UXS1: variants seen among roughly 807,000 people sequenced by gnomAD.
UXS1 encodes UDP-glucuronic acid decarboxylase 1.
UXS1 carries 33 observed loss-of-function variants against 62.6 expected under a neutral mutation model. The ratio of observed to expected loss-of-function variants is 0.53; its 90% confidence interval spans 0.40 to 0.70. The LOEUF is 0.70. Among genes scored for constraint, UXS1 ranks in the 30% least tolerant of loss-of-function variants. UXS1 has a pLI of 0.00. For missense variants in UXS1, 434 were observed against 556.3 expected (o/e 0.78, Z 2.21); for synonymous variants, 213 against 206.8 (o/e 1.03, Z -0.26).
intron 11 of UXS1, 169 bp from the exon 12 acceptor site, chr2:106,101,287 C>T (rs10202208): frequency 0.75 from 495,074 of 658,768 alleles, 187,680 homozygotes; most frequent in Middle Eastern, 0.79. Context: ...ATGGTGTTTA[C>T]AATGCGAAAG....
intron 9 of UXS1, among the ~76,000 whole-genome samples, chr2:106,120,051 C>T (rs1679394569): frequency 6.6e-6 from 1 of 152,174 alleles, no homozygotes; most frequent in Non-Finnish European, 1.5e-5. Context: ...GGAAAGGCAC[C>T]ATTTTCCTCC....
At position 106,112,555 on chromosome 2, in the gene UXS1, C is replaced by A. The variant is rs1037758623; in HGVS notation, c.879+91G>T. ...ACATGGCAGCTTCAGAAGTGTCACT[C>A]CCTGAACCAAGATGCACTTATCCCT... On this transcript the variant is annotated intron_variant, in intron 10 of 14. Coordinates refer to ENST00000283148, the MANE Select transcript of UXS1 (RefSeq NM_001253875.2). 6 of 1,530,808 alleles carry A rather than the reference C, an allele frequency of 3.9e-6. No individual in the cohort carries two copies. The South Asian group carries it at 6.2e-5, about 16-fold the overall frequency. The allele number at this position is 1,530,808 out of a possible 1,614,324, so 94.8% of individuals were successfully genotyped here.
intron 1 of UXS1, among the ~76,000 whole-genome samples, chr2:106,188,874 A>G (rs1222675988): frequency 1.3e-5 from 2 of 152,258 alleles, no homozygotes; most frequent in African/African-American, 2.4e-5. Flanking sequence ...TTTTTTAAAA[A>G]TCCAGAGAAT....
At chr2:106,138,909 G>A (rs1680875504) in intron 6 of UXS1, 2 of 982,208 alleles carry the variant, frequency 2.0e-6, no homozygotes, top group Non-Finnish European at 2.4e-6. Context: ...AGAGTCTGTT[G>A]GTTAAATAAT....
chr2:106,103,283 G>T (rs1677747298), intron 11 of UXS1, among the ~76,000 whole-genome samples: 1 of 152,242 alleles, frequency 6.6e-6, no homozygotes, highest in South Asian at 2.1e-4. Context: ...GCAGAAAGAA[G>T]AATGGGTCCT....
intron 1 of UXS1, among the ~76,000 whole-genome samples, chr2:106,173,089 C>T (rs1215617571): frequency 1.3e-5 from 2 of 152,154 alleles, no homozygotes; most frequent in Non-Finnish European, 2.9e-5. Flanking sequence ...CTGTTTATTG[C>T]CTGTTTGTGC....
chr2:106,143,224 G>T (rs182454008), intron 6 of UXS1, among the ~76,000 whole-genome samples: 9 of 151,014 alleles, frequency 6.0e-5, no homozygotes, highest in Admixed American at 1.3e-4. Flanking sequence ...CTGGCTAACA[G>T]GGTGAAACCC....
chr2:106,096,698 C>T lies in UXS1; in HGVS notation c.1146+20G>A, dbSNP rs1234693542. Reference sequence around the variant, plus strand: ...CGGGAGGCCCCTCCCCACAAGGCAGCATTAACTCCCTGCACTTACCACGGG... The same window carrying T: ...CGGGAGGCCCCTCCCCACAAGGCAGTATTAACTCCCTGCACTTACCACGGG... On this transcript the variant is annotated intron_variant, in intron 14 of 14. Coordinates refer to ENST00000283148, the MANE Select transcript of UXS1 (RefSeq NM_001253875.2). 1 of 1,543,178 alleles carries T rather than the reference C, an allele frequency of 6.5e-7. No homozygotes were observed. Among genetic ancestry groups the T allele is most frequent in the Admixed American group, 2.0e-5 (1 of 51,038 alleles).
chr2:106,094,527 C>T (rs1490501232), intron 14 of UXS1, among the ~76,000 whole-genome samples: 1 of 152,222 alleles, frequency 6.6e-6, no homozygotes, highest in Non-Finnish European at 1.5e-5. Context: ...CCCATTCTTT[C>T]AGAAGAAATC....
intron 4 of UXS1, among the ~76,000 whole-genome samples, chr2:106,161,178 A>G (rs577085574): frequency 6.7e-6 from 1 of 149,900 alleles, no homozygotes; most frequent in Non-Finnish European, 1.5e-5. Flanking sequence ...GCTGGGCAGG[A>G]GCACAAGGCC....
At chr2:106,119,791 C>T (rs567453183) in intron 9 of UXS1, among the ~76,000 whole-genome samples, 1 of 152,294 alleles carries the variant, frequency 6.6e-6, no homozygotes, top group South Asian at 2.1e-4. Flanking sequence ...TCACAAAATC[C>T]TGGGTTAAAG....
chr2:106,129,872 A>G (rs937719426), intron 6 of UXS1, 94 bp from the exon 7 acceptor site: 2 of 677,578 alleles, frequency 3.0e-6, no homozygotes, highest in Non-Finnish European at 2.4e-6. Flanking sequence ...ACGTATTAGT[A>G]TATCTTTCAC....
chr2:106,143,405 T>A (rs1681291013), intron 6 of UXS1, among the ~76,000 whole-genome samples: 1 of 15,630 alleles, frequency 6.4e-5, no homozygotes, highest in Non-Finnish European at 1.2e-4. Context: ...AGAGACTCCG[T>A]CTCAAAAAAA....
At position 106,145,194 on chromosome 2, in the gene UXS1, G is replaced by T. The variant is rs751183075; in HGVS notation, c.468C>A (p.Ile156=). 6.2e-7 allele frequency: 1 copy of T among 1,612,544 alleles called. No homozygotes were observed. The highest frequency in any genetic ancestry group is 1.1e-5 in the South Asian group (1 of 90,822). The change falls in exon 6 of 15, where the codon ATC becomes ATA. Residue 156 remains isoleucine (I), a synonymous_variant. Transcript: ENST00000283148. ...INHDVVEPLY[I]EVDQIYHLAS... ...CAATGTGCAGTTTTCACTCACCCTC[G>T]ATGTAGAGGGGCTCCACCACGTCGT...
Position 106,099,482 on chromosome 2 carries a change from T to C in UXS1, c.985-709A>G, listed in dbSNP as rs1047924977. On this transcript the variant is annotated intron_variant, in intron 12 of 14. Coordinates refer to ENST00000283148, the MANE Select transcript of UXS1 (RefSeq NM_001253875.2). Reference sequence around the variant, plus strand: ...GGTTAGCCTGAAGCTAGATGGTAAATGTGGAGGGAGAGACCCTGGGCCTCA... The same window carrying C: ...GGTTAGCCTGAAGCTAGATGGTAAACGTGGAGGGAGAGACCCTGGGCCTCA... 7.2e-4 allele frequency among the ~76,000 whole-genome samples: 109 copies of C among 152,152 alleles called. 2 individuals are homozygous for C. Among genetic ancestry groups the C allele is most frequent in the Admixed American group, 2.4e-3 (36 of 15,290 alleles).
intron 5 of UXS1, among the ~76,000 whole-genome samples, chr2:106,150,734 G>A (rs967880940): frequency 3.9e-5 from 6 of 152,204 alleles, no homozygotes; most frequent in Non-Finnish European, 5.9e-5. Flanking sequence ...GACTCATTGC[G>A]GTGATACAGC....
At chr2:106,117,432 T>C (rs552847101) in intron 9 of UXS1, among the ~76,000 whole-genome samples, 1 of 152,358 alleles carries the variant, frequency 6.6e-6, no homozygotes, top group Admixed American at 6.5e-5. Flanking sequence ...GTGGTACTGC[T>C]GATTTTGTTC....
chr2:106,190,536 A>T (rs1684854613), intron 1 of UXS1, among the ~76,000 whole-genome samples: 1 of 152,156 alleles, frequency 6.6e-6, no homozygotes, highest in Admixed American at 6.5e-5. Flanking sequence ...ACCTGAGGTC[A>T]GGAGTTTGAG....
intron 4 of UXS1, among the ~76,000 whole-genome samples, chr2:106,159,744 T>C (rs1393899164): frequency 6.6e-6 from 1 of 152,174 alleles, no homozygotes. Flanking sequence ...CAGAATGCAC[T>C]TCCTTAATGG....
Sources: gnomAD v4.1 joint callset for allele counts (sites outside exome capture counted in the v4.1 genomes callset) on GRCh38, gnomAD v4.1.1 for gene constraint, MANE v1.5 for transcripts, NCBI Gene and HGNC (gene_info 2026-07-23, HGNC 2026-07-21) for gene names.